TAFA2: variants seen among roughly 807,000 people sequenced by gnomAD.
TAFA2 encodes chemokine-like protein TAFA-2.
Under a neutral mutation model 18.8 loss-of-function variants are expected in TAFA2, and 7 were observed. The observed-to-expected ratio is 0.37, with a 90% CI of 0.21 to 0.70. The LOEUF (loss-of-function observed/expected upper bound fraction) is 0.70. Among genes scored for constraint, TAFA2 ranks in the 30% least tolerant of loss-of-function variants. TAFA2 has a pLI of 0.53. For synonymous variants in TAFA2, 60 were observed against 54.2 expected (o/e 1.11, Z -0.47); for missense variants, 122 against 158.1 (o/e 0.77, Z 1.23).
chr12:61,925,476 C>A (rs1473922255), intron 1 of TAFA2, among the ~76,000 whole-genome samples: 1 of 152,172 alleles, frequency 6.6e-6, no homozygotes, highest in Non-Finnish European at 1.5e-5. Flanking sequence ...CAACCTACTC[C>A]TGAATGACTA....
chr12:61,983,362 G>A (rs1438262459), intron 1 of TAFA2, among the ~76,000 whole-genome samples: 1 of 151,744 alleles, frequency 6.6e-6, no homozygotes, highest in Non-Finnish European at 1.5e-5. Flanking sequence ...GGAATTCTAG[G>A]TGCTAGGTCC....
chr12:62,028,112 T>C (rs1440824843), intron 1 of TAFA2, among the ~76,000 whole-genome samples: 1 of 152,160 alleles, frequency 6.6e-6, no homozygotes, highest in Non-Finnish European at 1.5e-5. Context: ...ACAATGTCTC[T>C]TGTGTTTTTG....
intron 1 of TAFA2, among the ~76,000 whole-genome samples, chr12:61,979,613 G>A (rs2136674988): frequency 6.6e-6 from 1 of 151,862 alleles, no homozygotes; most frequent in East Asian, 1.9e-4. Flanking sequence ...TCCTAAATTG[G>A]ATAAAGTATC....
intron 2 of TAFA2, among the ~76,000 whole-genome samples, chr12:61,798,434 T>G (rs1871277280): frequency 6.6e-6 from 1 of 152,184 alleles, no homozygotes; most frequent in African/African-American, 2.4e-5. Flanking sequence ...CCATTTTTAG[T>G]GTACACTTCA....
At chr12:61,808,695 T>C (rs1871731553) in intron 2 of TAFA2, among the ~76,000 whole-genome samples, 1 of 151,326 alleles carries the variant, frequency 6.6e-6, no homozygotes. Flanking sequence ...GAAAGTAACA[T>C]TGAAGGACTT....
intron 2 of TAFA2, among the ~76,000 whole-genome samples, chr12:61,759,522 C>A (rs748316774): frequency 6.6e-6 from 1 of 151,902 alleles, no homozygotes; most frequent in Non-Finnish European, 1.5e-5. Context: ...GACATGGAAC[C>A]GACTCACCAC....
At chr12:61,738,744 A>G (rs1868351275) in intron 4 of TAFA2, among the ~76,000 whole-genome samples, 1 of 152,006 alleles carries the variant, frequency 6.6e-6, no homozygotes, top group African/African-American at 2.4e-5. Flanking sequence ...GTACAGTTCT[A>G]TGGTTTCTTT....
intron 1 of TAFA2, among the ~76,000 whole-genome samples, chr12:62,046,671 C>A (rs2136767588): frequency 6.6e-6 from 1 of 152,086 alleles, no homozygotes; most frequent in South Asian, 2.1e-4. Context: ...GTTATTTGGC[C>A]TACTTCTTTC....
intron 1 of TAFA2, among the ~76,000 whole-genome samples, chr12:61,935,246 G>A (rs1034992059): frequency 6.6e-6 from 1 of 152,112 alleles, no homozygotes; most frequent in African/African-American, 2.4e-5. Context: ...AGAAACCCAA[G>A]CACCAAAATG....
intron 1 of TAFA2, among the ~76,000 whole-genome samples, chr12:62,145,161 CT>C (rs1334578270): frequency 2.0e-5 from 3 of 152,180 alleles, no homozygotes; most frequent in Non-Finnish European, 2.9e-5. Flanking sequence ...TCCCCCATCA[CT>C]GTTTAGTTTG....
chr12:62,188,753 T>C (rs548246211), intron 1 of TAFA2, among the ~76,000 whole-genome samples: 1 of 152,280 alleles, frequency 6.6e-6, no homozygotes, highest in African/African-American at 2.4e-5. Flanking sequence ...TAAAATAATT[T>C]TTAAATTTTT....
intron 1 of TAFA2, among the ~76,000 whole-genome samples, chr12:62,183,650 G>A (rs1280381435): frequency 1.3e-5 from 2 of 152,170 alleles, no homozygotes; most frequent in Non-Finnish European, 2.9e-5. Flanking sequence ...CTCCCAAAGT[G>A]TTGGGATTAC....
At chr12:62,236,212 T>G (rs1041549795) in intron 1 of TAFA2, among the ~76,000 whole-genome samples, 2 of 152,262 alleles carry the variant, frequency 1.3e-5, no homozygotes, top group Non-Finnish European at 2.9e-5. Context: ...TCTGAATTTA[T>G]GCGTGTATTT....
chr12:61,749,126 A>T (rs1412269600), intron 4 of TAFA2, among the ~76,000 whole-genome samples: 2 of 150,500 alleles, frequency 1.3e-5, no homozygotes, highest in African/African-American at 4.9e-5. Context: ...AAAAAAAAAT[A>T]GCTGGGTGTG....
intron 2 of TAFA2, among the ~76,000 whole-genome samples, chr12:61,814,746 T>A (rs1407956552): frequency 7.3e-5 from 11 of 151,216 alleles, no homozygotes; most frequent in African/African-American, 2.5e-4. Flanking sequence ...TCACAAGGAC[T>A]CTTATAAGAG....
At chr12:62,022,041 G>A (rs187491174) in intron 1 of TAFA2, 3 of 604,694 alleles carry the variant, frequency 5.0e-6, no homozygotes, top group Non-Finnish European at 3.2e-6. Flanking sequence ...TCAGCATAAA[G>A]CTCTACACTG....
chr12:62,116,959 T>G (rs1410491926), intron 1 of TAFA2, among the ~76,000 whole-genome samples: 1 of 152,092 alleles, frequency 6.6e-6, no homozygotes, highest in African/African-American at 2.4e-5. Context: ...CTGGTATCCT[T>G]AAAAGAAGAG....
At chr12:61,781,670 A>C (rs2120886811) in intron 2 of TAFA2, among the ~76,000 whole-genome samples, 1 of 151,850 alleles carries the variant, frequency 6.6e-6, no homozygotes, top group South Asian at 2.1e-4. Context: ...CAAAGCCCAC[A>C]GTGATAAGAA....
intron 2 of TAFA2, among the ~76,000 whole-genome samples, chr12:61,823,997 A>G (rs1431228204): frequency 6.6e-6 from 1 of 152,102 alleles, no homozygotes; most frequent in Admixed American, 6.5e-5. Context: ...TCAGCAGAAA[A>G]CAGCAAAAGT....
Sources: allele counts gnomAD v4.1 joint callset (sites outside exome capture counted in the v4.1 genomes callset), GRCh38; gene constraint gnomAD v4.1.1; transcripts MANE v1.5; gene names NCBI Gene and HGNC (gene_info 2026-07-23, HGNC 2026-07-21).